Variants in PDE4B observed in about 807,000 individuals in gnomAD.
The protein encoded by PDE4B is 3',5'-cyclic-AMP phosphodiesterase 4B.
PDE4B carries 20 observed loss-of-function variants against 82.2 expected under a neutral mutation model. That is an observed-to-expected ratio of 0.24 (90% CI 0.17 to 0.35). PDE4B has a LOEUF of 0.35. PDE4B is among the 10% of genes least tolerant of loss of function. The probability of loss-of-function intolerance (pLI) is 1.00; values close to 1 mark genes in which losing one functional copy is unlikely to be tolerated. For missense variants in PDE4B, 655 were observed against 907.2 expected, an observed-to-expected ratio of 0.72 and a Z score of 3.57; for synonymous variants, 320 against 318.9, an observed-to-expected ratio of 1.00 and a Z score of -0.04.
chr1:66,082,349 C>T (rs950526397), intron 3 of PDE4B, among the ~76,000 whole-genome samples: 2 of 152,050 alleles, frequency 1.3e-5, no homozygotes, highest in Non-Finnish European at 2.9e-5. Flanking sequence ...CCTGTGGAAT[C>T]GATATGAAGA....
chr1:65,944,185 A>G (rs1648585068), intron 3 of PDE4B, among the ~76,000 whole-genome samples: 1 of 151,682 alleles, frequency 6.6e-6, no homozygotes, highest in African/African-American at 2.4e-5. Flanking sequence ...TGTTTAGTTG[A>G]TTTTATTATG....
At chr1:66,017,766 C>T (rs915240828) in intron 3 of PDE4B, among the ~76,000 whole-genome samples, 9 of 151,948 alleles carry the variant, frequency 5.9e-5, no homozygotes, top group Non-Finnish European at 8.8e-5. Flanking sequence ...GTGATTATTC[C>T]CTGACTACAA....
At chr1:65,994,266 G>A (rs1217576924) in intron 3 of PDE4B, among the ~76,000 whole-genome samples, 1 of 152,154 alleles carries the variant, frequency 6.6e-6, no homozygotes, top group Non-Finnish European at 1.5e-5. Context: ...GCAAATTAAA[G>A]TTACGCCTAG....
chr1:66,309,854 T>C (rs760507123), intron 7 of PDE4B, among the ~76,000 whole-genome samples: 1 of 152,188 alleles, frequency 6.6e-6, no homozygotes, highest in African/African-American at 2.4e-5. Flanking sequence ...ATTATGATAA[T>C]AGCAATAATA....
intron 7 of PDE4B, among the ~76,000 whole-genome samples, chr1:66,299,310 T>C (rs1657726685): frequency 6.6e-6 from 1 of 152,160 alleles, no homozygotes; most frequent in Non-Finnish European, 1.5e-5. Context: ...CAGATATTAG[T>C]GAAACTTGCA....
At chr1:66,121,849 T>C (rs1437423044) in intron 3 of PDE4B, among the ~76,000 whole-genome samples, 1 of 152,208 alleles carries the variant, frequency 6.6e-6, no homozygotes, top group Non-Finnish European at 1.5e-5. Context: ...AAAACTTATT[T>C]GTCATTTTGA....
intron 3 of PDE4B, among the ~76,000 whole-genome samples, chr1:66,218,855 CAG>C (rs1650726433): frequency 6.6e-6 from 1 of 152,148 alleles, no homozygotes; most frequent in African/African-American, 2.4e-5. Flanking sequence ...CATCCAGCTA[CAG>C]ATGGATAGCT....
chr1:66,263,406 G>A (rs919898126), intron 6 of PDE4B, among the ~76,000 whole-genome samples: 1 of 152,236 alleles, frequency 6.6e-6, no homozygotes, highest in South Asian at 2.1e-4. Flanking sequence ...GGAACAGCAA[G>A]TGGCATATAG....
intron 3 of PDE4B, among the ~76,000 whole-genome samples, chr1:65,925,901 G>A (rs1026963534): frequency 3.9e-5 from 6 of 152,052 alleles, no homozygotes; most frequent in East Asian, 1.9e-4. Context: ...ATGACCCCAC[G>A]CCCTCAACCC....
intron 3 of PDE4B, chr1:66,050,608 C>T (rs1031559361): frequency 6.6e-6 from 1 of 152,092 alleles, no homozygotes; most frequent in Non-Finnish European, 1.5e-5. Flanking sequence ...CCATGCTCTA[C>T]TTTAAAAGCA....
intron 1 of PDE4B, among the ~76,000 whole-genome samples, chr1:65,826,011 C>A (rs1470098843): frequency 1.3e-5 from 2 of 152,124 alleles, no homozygotes; most frequent in African/African-American, 4.8e-5. Context: ...ATTCTGTATT[C>A]AACGACATGG....
chr1:65,880,694 C>T (rs12748664), intron 1 of PDE4B, among the ~76,000 whole-genome samples: 27,402 of 152,140 alleles, frequency 0.18, 2,961 homozygotes, highest in South Asian at 0.38. Context: ...TGATCTTGGA[C>T]GTGCCAGCCT....
chr1:66,021,530 T>C (rs1172777717), intron 3 of PDE4B, among the ~76,000 whole-genome samples: 3 of 152,194 alleles, frequency 2.0e-5, no homozygotes, highest in South Asian at 2.1e-4. Context: ...CAGCTTTCTA[T>C]ATATCGCTAG....
chr1:66,249,869 A>G (rs1055651409), intron 4 of PDE4B, among the ~76,000 whole-genome samples: 1 of 152,154 alleles, frequency 6.6e-6, no homozygotes, highest in Non-Finnish European at 1.5e-5. Context: ...ACATAATACC[A>G]CCCTATCAAA....
At chr1:66,221,484 T>G (rs1650984725) in intron 3 of PDE4B, among the ~76,000 whole-genome samples, 1 of 152,154 alleles carries the variant, frequency 6.6e-6, no homozygotes. Flanking sequence ...ATAAAAAATG[T>G]AAAACATATT....
intron 3 of PDE4B, among the ~76,000 whole-genome samples, chr1:65,977,835 G>A (rs939622270): frequency 6.6e-6 from 1 of 152,096 alleles, no homozygotes; most frequent in African/African-American, 2.4e-5. Flanking sequence ...AATCCAGCAG[G>A]TAACTGTGTA....
chr1:65,900,513 G>A (rs1002324723), intron 1 of PDE4B, among the ~76,000 whole-genome samples: 3 of 151,898 alleles, frequency 2.0e-5, no homozygotes, highest in African/African-American at 4.8e-5. Flanking sequence ...TAGTTTGACA[G>A]GAATAGCACT....
intron 3 of PDE4B, among the ~76,000 whole-genome samples, chr1:65,978,023 TA>T (rs1290590261): frequency 2.3e-4 from 28 of 120,262 alleles, no homozygotes; most frequent in African/African-American, 7.2e-4. Flanking sequence ...ATTTAATTTT[TA>T]ATTTTTTTTT....
intron 1 of PDE4B, among the ~76,000 whole-genome samples, chr1:65,831,565 T>G (rs1570987992): frequency 6.6e-6 from 1 of 152,216 alleles, no homozygotes; most frequent in East Asian, 1.9e-4. Context: ...AGGCTCAGTT[T>G]ATTTCACTGG....
Sources: gnomAD v4.1 joint callset for allele counts (sites outside exome capture counted in the v4.1 genomes callset) on GRCh38, gnomAD v4.1.1 for gene constraint, MANE v1.5 for transcripts, NCBI Gene and HGNC (gene_info 2026-07-23, HGNC 2026-07-21) for gene names.